Variants in FILIP1L observed in about 807,000 individuals in gnomAD.
FILIP1L encodes filamin A interacting protein 1 like, also known as filamin A-interacting protein 1-like.
FILIP1L carries 55 observed loss-of-function variants against 96.6 expected under a neutral mutation model. That is an observed-to-expected ratio of 0.57 (90% CI 0.46 to 0.71). FILIP1L has a LOEUF of 0.71. Among genes scored for constraint, FILIP1L ranks in the 30% least tolerant of loss-of-function variants. The pLI, the probability that FILIP1L is intolerant of heterozygous loss-of-function variation, is 0.00. For missense variants in FILIP1L, 1,304 were observed against 1,321.2 expected (o/e 0.99, Z 0.20); for synonymous variants, 467 against 473.9 (o/e 0.99, Z 0.19).
intron 1 of FILIP1L, among the ~76,000 whole-genome samples, chr3:100,048,198 G>A (rs1170181217): frequency 6.6e-6 from 1 of 152,228 alleles, no homozygotes; most frequent in Non-Finnish European, 1.5e-5. Flanking sequence ...GAAGGGGACA[G>A]ATAGGTCCAG....
chr3:99,895,881 A>G (rs759057526), intron 4 of FILIP1L, among the ~76,000 whole-genome samples: 3 of 152,246 alleles, frequency 2.0e-5, no homozygotes, highest in Admixed American at 6.5e-5. Context: ...AAAGAAAACA[A>G]TGTTGATGTT....
At chr3:100,091,284 C>CA (rs570908389) in intron 1 of FILIP1L, among the ~76,000 whole-genome samples, 976 of 57,876 alleles carry the variant, frequency 0.017, 11 homozygotes, top group Middle Eastern at 0.02. Flanking sequence ...GACTCCGTCT[C>CA]AAAAAAAAAA....
intron 1 of FILIP1L, among the ~76,000 whole-genome samples, chr3:99,951,000 T>G (rs1427188076): frequency 3.9e-5 from 6 of 152,228 alleles, no homozygotes; most frequent in African/African-American, 1.2e-4. Context: ...ATCCAAGCCC[T>G]GCTTGGTTTG....
chr3:100,052,950 T>A (rs1311117519), intron 1 of FILIP1L, among the ~76,000 whole-genome samples: 1 of 152,216 alleles, frequency 6.6e-6, no homozygotes, highest in African/African-American at 2.4e-5. Context: ...CTAAATAAGA[T>A]GAAATTTAGT....
At chr3:99,964,158 A>C (rs780699405) in intron 1 of FILIP1L, among the ~76,000 whole-genome samples, 6 of 151,970 alleles carry the variant, frequency 3.9e-5, no homozygotes, top group Non-Finnish European at 7.4e-5. Context: ...AAGTACATTG[A>C]GTTTTTATAA....
At position 99,888,594 on chromosome 3, in the gene FILIP1L, G is replaced by C. The variant is rs372931546; in HGVS notation, c.605+35636C>G. On this transcript the variant is annotated intron_variant, in intron 4 of 5. Coordinates refer to ENST00000477258, the MANE Select transcript of FILIP1L (RefSeq NM_001387850.1). ...TTTGATCCATCACTGAAAATAGAGA[G>C]AGGCTCTTTATGTTTTAGGTACACC... is the stretch of plus-strand genomic sequence containing the variant. Among the ~76,000 whole-genome samples the C allele has an allele frequency of 5.3e-5, 8 of 152,276 alleles. No individual in the cohort carries two copies. In the East Asian group the frequency reaches 5.8e-4, roughly 11 times the overall value.
At chr3:99,838,574 C>G (rs1942992863) in intron 5 of FILIP1L, among the ~76,000 whole-genome samples, 1 of 152,148 alleles carries the variant, frequency 6.6e-6, no homozygotes, top group Non-Finnish European at 1.5e-5. Context: ...ATTAGACAAT[C>G]TGTCTGTCAC....
chr3:100,051,503 C>T (rs2065372470), intron 1 of FILIP1L, among the ~76,000 whole-genome samples: 2 of 116,204 alleles, frequency 1.7e-5, no homozygotes, highest in South Asian at 7.5e-4. Flanking sequence ...CTAACCCTCC[C>T]CCCTCCCCCC....
In FILIP1L at chr3:100,031,461, A is replaced by C. The variant is rs138142667; in HGVS notation, c.-11+82592T>G. 2.4e-3 allele frequency among the ~76,000 whole-genome samples: 363 copies of C among 152,166 alleles called. 1 individual carries two copies. Among genetic ancestry groups the C allele is most frequent in the African/African-American group, 8.2e-3 (342 of 41,508 alleles). ...ACATTATCATCATGGTGATCTAGTA[A>C]GTGAGTGAAGGATTCCTTTTTTCAA... On this transcript the variant is annotated intron_variant, in intron 1 of 5. Coordinates refer to ENST00000477258, the MANE Select transcript of FILIP1L (RefSeq NM_001387850.1).
At chr3:100,069,031 A>G (rs747208037) in intron 1 of FILIP1L, among the ~76,000 whole-genome samples, 2 of 152,164 alleles carry the variant, frequency 1.3e-5, no homozygotes, top group Non-Finnish European at 2.9e-5. Context: ...GCAAGTACCC[A>G]CGTGATTTGG....
intron 1 of FILIP1L, among the ~76,000 whole-genome samples, chr3:100,032,219 G>T (rs1236265673): frequency 2.6e-5 from 4 of 152,200 alleles, no homozygotes; most frequent in Non-Finnish European, 4.4e-5. Flanking sequence ...TTATTGATAT[G>T]TATGCCTCTT....
In FILIP1L at chr3:99,830,479, C is replaced by T. The variant is rs1942634497; in HGVS notation, c.3508G>A (p.Gly1170Arg). The T allele has an allele frequency of 4.4e-6, 2 of 456,512 alleles. No homozygotes were observed. The highest frequency in any genetic ancestry group is 3.1e-5 in the South Asian group (2 of 64,562). 28.3% of individuals were successfully genotyped at this position (456,512 alleles called of 1,614,324 possible). Residue 1170 changes from glycine to arginine, a missense_variant, in exon 6 of 6, where the codon GGG becomes AGG. By Grantham distance (125) the Gly-to-Arg change is moderately radical. Transcript: ENST00000477258. Reference sequence around the variant, plus strand: ...ACAGTTCTCACGATGTGTAGCTTCCCACAGCCATTTTGGTAAATAGGCTTA... The same window carrying T: ...ACAGTTCTCACGATGTGTAGCTTCCTACAGCCATTTTGGTAAATAGGCTTA... Reference protein sequence around the residue: ...MDKPIYQNGCGKLHIVRTVTS... With the variant: ...MDKPIYQNGCRKLHIVRTVTS...
chr3:99,842,663 CA>C (rs1490747151), intron 5 of FILIP1L, among the ~76,000 whole-genome samples: 1 of 152,060 alleles, frequency 6.6e-6, no homozygotes, highest in Non-Finnish European at 1.5e-5. Flanking sequence ...TTCTCTTGAT[CA>C]ACAATTTTGA....
intron 1 of FILIP1L, 111 bp from the exon 2 acceptor site, chr3:99,931,141 A>G (rs1707469974): frequency 2.3e-6 from 2 of 871,174 alleles, no homozygotes; most frequent in Admixed American, 4.8e-5. Context: ...CACAGCCCCA[A>G]AGTCAATCTT....
At chr3:100,045,582 G>T (rs1167760885) in intron 1 of FILIP1L, among the ~76,000 whole-genome samples, 1 of 151,992 alleles carries the variant, frequency 6.6e-6, no homozygotes, top group African/African-American at 2.4e-5. Flanking sequence ...TATCTTAAAT[G>T]GGACATTTGG....
At chr3:99,923,444 A>G (rs917152112) in intron 4 of FILIP1L, among the ~76,000 whole-genome samples, 1 of 152,090 alleles carries the variant, frequency 6.6e-6, no homozygotes, top group Non-Finnish European at 1.5e-5. Flanking sequence ...CCCCATTCCC[A>G]TATTTCATAT....
chr3:100,078,800 A>G (rs2065889513), intron 1 of FILIP1L, among the ~76,000 whole-genome samples: 1 of 152,210 alleles, frequency 6.6e-6, no homozygotes, highest in Non-Finnish European at 1.5e-5. Flanking sequence ...CTAAGGCCGG[A>G]AAATCCCTTG....
intron 1 of FILIP1L, among the ~76,000 whole-genome samples, chr3:99,981,816 T>G (rs967256462): frequency 2.0e-5 from 3 of 152,090 alleles, no homozygotes; most frequent in Non-Finnish European, 4.4e-5. Flanking sequence ...TGCATAAATA[T>G]TAGGGAAGGT....
intron 1 of FILIP1L, among the ~76,000 whole-genome samples, chr3:100,058,238 A>G (rs1250898016): frequency 6.6e-6 from 1 of 152,208 alleles, no homozygotes; most frequent in Non-Finnish European, 1.5e-5. Flanking sequence ...GCAGAAAATT[A>G]AGAGGCATCT....
Sources: allele counts gnomAD v4.1 joint callset (sites outside exome capture counted in the v4.1 genomes callset), GRCh38; gene constraint gnomAD v4.1.1; transcripts MANE v1.5; gene names NCBI Gene and HGNC (gene_info 2026-07-23, HGNC 2026-07-21).